Variants in MACROD2 observed in about 807,000 individuals in gnomAD.
The protein encoded by MACROD2 is ADP-ribose glycohydrolase MACROD2.
A neutral mutation model predicts 70.4 loss-of-function variants in MACROD2; 36 were observed. The observed-to-expected ratio is 0.51, with a 90% CI of 0.39 to 0.68. The LOEUF (loss-of-function observed/expected upper bound fraction) is 0.68, where lower values mean the gene tolerates loss of function less well. MACROD2 is among the 30% of genes least tolerant of loss of function. The pLI is 0.00. For synonymous variants in MACROD2, 172 were observed against 178.8 expected (o/e 0.96, Z 0.30); for missense variants, 496 against 538.4 (o/e 0.92, Z 0.78).
chr20:15,075,306 G>A (rs988200497), intron 5 of MACROD2, among the ~76,000 whole-genome samples: 4 of 152,282 alleles, frequency 2.6e-5, no homozygotes, highest in African/African-American at 9.6e-5. Flanking sequence ...CGAAAGGTAA[G>A]TTCTAGGAAT....
At chr20:15,028,533 A>G (rs2075250614) in intron 5 of MACROD2, among the ~76,000 whole-genome samples, 1 of 152,206 alleles carries the variant, frequency 6.6e-6, no homozygotes, top group African/African-American at 2.4e-5. Context: ...ATGAATAGAA[A>G]GTGATCACTG....
intron 6 of MACROD2, among the ~76,000 whole-genome samples, chr20:15,423,836 G>T (rs4814372): frequency 6.6e-6 from 1 of 151,670 alleles, no homozygotes; most frequent in Non-Finnish European, 1.5e-5. Flanking sequence ...TACTCGGTTC[G>T]GGATGCATAA....
At chr20:15,141,810 A>AC (rs2076194312) in intron 5 of MACROD2, among the ~76,000 whole-genome samples, 1 of 152,082 alleles carries the variant, frequency 6.6e-6, no homozygotes, top group Admixed American at 6.5e-5. Flanking sequence ...CTGTGTGAAA[A>AC]ATGAATGCCT....
chr20:14,421,318 C>A (rs1327451799), intron 3 of MACROD2, among the ~76,000 whole-genome samples: 1 of 152,174 alleles, frequency 6.6e-6, no homozygotes, highest in Non-Finnish European at 1.5e-5. Flanking sequence ...TAGTAGAAAT[C>A]ACCAGCAGAA....
intron 4 of MACROD2, among the ~76,000 whole-genome samples, chr20:14,623,785 T>G (rs913580872): frequency 6.6e-6 from 1 of 152,108 alleles, no homozygotes; most frequent in Non-Finnish European, 1.5e-5. Flanking sequence ...AAGAAAATGG[T>G]GATGAGCATA....
At chr20:14,193,048 C>T (rs943497672) in intron 3 of MACROD2, among the ~76,000 whole-genome samples, 3 of 152,212 alleles carry the variant, frequency 2.0e-5, no homozygotes, top group Non-Finnish European at 2.9e-5. Flanking sequence ...ATAGGGGGCT[C>T]CTGGCACCTT....
intron 15 of MACROD2, among the ~76,000 whole-genome samples, chr20:16,032,741 G>A (rs954070986): frequency 1.6e-5 from 2 of 126,890 alleles, no homozygotes; most frequent in Non-Finnish European, 3.3e-5. Context: ...AGAGAAGAAG[G>A]GAAGAAAGGG....
chr20:15,083,365 C>G (rs1216597013), intron 5 of MACROD2, among the ~76,000 whole-genome samples: 2 of 152,140 alleles, frequency 1.3e-5, no homozygotes, highest in East Asian at 3.9e-4. Context: ...ACCAATCATT[C>G]CCTATTTTAT....
At chr20:13,996,068 C>G (rs1569105547) in intron 1 of MACROD2, among the ~76,000 whole-genome samples, 1 of 152,192 alleles carries the variant, frequency 6.6e-6, no homozygotes, top group Non-Finnish European at 1.5e-5. Context: ...CACCCCGTCA[C>G]CTTCTCCCGA....
chr20:15,931,614 G>A (rs1325129775), intron 10 of MACROD2, among the ~76,000 whole-genome samples: 1 of 151,732 alleles, frequency 6.6e-6, no homozygotes, highest in Non-Finnish European at 1.5e-5. Context: ...CTGCACTCCA[G>A]GCTGGACAAC....
chr20:15,268,594 A>C lies in MACROD2; in HGVS notation c.540+38533A>C, dbSNP rs1237201943. Among the ~76,000 whole-genome samples the C allele has an allele frequency of 2.0e-5, 3 of 152,204 alleles. No homozygotes were observed. The East Asian group carries it at 5.8e-4, about 29-fold the overall frequency. On this transcript the variant is annotated intron_variant, in intron 6 of 17. Transcript: ENST00000684519. ...CTTGAACCCGAAAGGCAGAGGTTGC[A>C]GTGGGCTGAGATTGCGCCACTGCAC...
chr20:15,107,998 T>TA (rs2075924851), intron 5 of MACROD2, among the ~76,000 whole-genome samples: 3 of 151,050 alleles, frequency 2.0e-5, no homozygotes, highest in Admixed American at 1.3e-4. Flanking sequence ...TTTTTTTTTT[T>TA]ACATTTTTTT....
chr20:15,704,102 T>C (rs552805721), intron 8 of MACROD2, among the ~76,000 whole-genome samples: 1 of 152,330 alleles, frequency 6.6e-6, no homozygotes, highest in Non-Finnish European at 1.5e-5. Flanking sequence ...TCAGGGCTTT[T>C]GCCTTTGCTA....
chr20:15,069,123 G>A (rs771803285), intron 5 of MACROD2, among the ~76,000 whole-genome samples: 12 of 152,134 alleles, frequency 7.9e-5, no homozygotes, highest in African/African-American at 1.2e-4. Flanking sequence ...TTGCATCCAC[G>A]TCTGAGGCCT....
intron 7 of MACROD2, among the ~76,000 whole-genome samples, chr20:15,442,416 C>T (rs912005115): frequency 2.0e-5 from 3 of 152,068 alleles, no homozygotes; most frequent in Non-Finnish European, 2.9e-5. Flanking sequence ...GGATTTGTTC[C>T]ACTCTGTCAT....
At position 14,059,029 on chromosome 20, in the gene MACROD2, T is replaced by C. The variant is rs547935938; in HGVS notation, c.164-26592T>C. Reference sequence around the variant, plus strand: ...ATTGCTGTTATGCAAACTGTTTTCTTTCTACGTGTGTAGAGGGTTAACTTT... The same window carrying C: ...ATTGCTGTTATGCAAACTGTTTTCTCTCTACGTGTGTAGAGGGTTAACTTT... On this transcript the variant is annotated intron_variant, in intron 2 of 17. Transcript: ENST00000684519. Among the ~76,000 whole-genome samples, 13 of 152,320 alleles carry C rather than the reference T, an allele frequency of 8.5e-5. No homozygotes were observed. The East Asian group carries it at 2.5e-3, about 29-fold the overall frequency.
At chr20:14,983,720 G>A (rs1014682416) in intron 5 of MACROD2, among the ~76,000 whole-genome samples, 4 of 151,992 alleles carry the variant, frequency 2.6e-5, no homozygotes, top group African/African-American at 4.8e-5. Flanking sequence ...GCCCAGTCTC[G>A]GGTATGTCTT....
intron 8 of MACROD2, among the ~76,000 whole-genome samples, chr20:15,683,127 G>A (rs1433994635): frequency 2.6e-5 from 4 of 152,102 alleles, no homozygotes; most frequent in African/African-American, 9.7e-5. Context: ...AAAACAGTAC[G>A]GAACATGTTA....
intron 8 of MACROD2, among the ~76,000 whole-genome samples, chr20:15,702,397 C>G (rs1281401531): frequency 6.6e-6 from 1 of 152,072 alleles, no homozygotes; most frequent in African/African-American, 2.4e-5. Context: ...TGGTTTTGAT[C>G]AGCATTTCTC....
Sources: gnomAD v4.1 joint callset for allele counts (sites outside exome capture counted in the v4.1 genomes callset) on GRCh38, gnomAD v4.1.1 for gene constraint, MANE v1.5 for transcripts, NCBI Gene and HGNC (gene_info 2026-07-23, HGNC 2026-07-21) for gene names.